PLCB1: variants seen among roughly 807,000 people sequenced by gnomAD.
PLCB1 encodes phospholipase C beta 1, also known as 1-phosphatidylinositol 4,5-bisphosphate phosphodiesterase beta-1.
In PLCB1, 46 loss-of-function variants were observed where a neutral mutation model predicts 161.8. That is an observed-to-expected ratio of 0.28 (90% confidence interval 0.22 to 0.36). The LOEUF (loss-of-function observed/expected upper bound fraction) is 0.36, where lower values mean the gene tolerates loss of function less well. Ranked by LOEUF, PLCB1 falls within the 10% of genes least tolerant of loss-of-function variation. PLCB1 has a pLI of 1.00. For synonymous variants in PLCB1, 517 were observed against 503.7 expected (o/e 1.03, Z -0.35); for missense variants, 1,016 against 1,472.5 (o/e 0.69, Z 5.07).
At chr20:8,506,429 AT>A (rs1983639712) in intron 3 of PLCB1, among the ~76,000 whole-genome samples, 1 of 152,220 alleles carries the variant, frequency 6.6e-6, no homozygotes. Flanking sequence ...TATACTGAAC[AT>A]GGAAATTCCA....
chr20:8,561,333 C>T (rs2123023415), intron 3 of PLCB1, among the ~76,000 whole-genome samples: 1 of 151,964 alleles, frequency 6.6e-6, no homozygotes, highest in South Asian at 2.1e-4. Flanking sequence ...AACCGTATAA[C>T]TAAGTTTTGC....
At chr20:8,257,952 T>C (rs563005012) in intron 2 of PLCB1, among the ~76,000 whole-genome samples, 39 of 152,300 alleles carry the variant, frequency 2.6e-4, no homozygotes, top group African/African-American at 9.4e-4. Flanking sequence ...TCATTCAGAA[T>C]GTCCATGAGA....
intron 2 of PLCB1, among the ~76,000 whole-genome samples, chr20:8,324,460 C>T (rs1985062826): frequency 6.6e-6 from 1 of 152,120 alleles, no homozygotes; most frequent in Non-Finnish European, 1.5e-5. Context: ...TAGTTGATTT[C>T]TTACTATAAA....
At chr20:8,684,803 T>G in intron 9 of PLCB1, 129 bp from the exon 10 acceptor site, 1 of 607,794 alleles carries the variant, frequency 1.6e-6, no homozygotes, top group East Asian at 2.7e-5. Flanking sequence ...CCTACACTCT[T>G]ATTTATCCAT....
chr20:8,879,440 C>G (rs1333988460), intron 31 of PLCB1, among the ~76,000 whole-genome samples: 1 of 152,086 alleles, frequency 6.6e-6, no homozygotes, highest in Admixed American at 6.6e-5. Flanking sequence ...ACACTCCAGG[C>G]AGACCTGAGT....
intron 3 of PLCB1, among the ~76,000 whole-genome samples, chr20:8,586,487 G>A (rs1986996747): frequency 6.7e-6 from 1 of 150,148 alleles, no homozygotes. Context: ...TTATCAACAT[G>A]GTAAGTAGGG....
At chr20:8,828,230 C>T (rs965708663) in intron 31 of PLCB1, among the ~76,000 whole-genome samples, 2 of 152,210 alleles carry the variant, frequency 1.3e-5, no homozygotes, top group Admixed American at 6.5e-5. Flanking sequence ...CTCCATCAAA[C>T]CCTCAGCTTT....
At chr20:8,697,259 G>A (rs1202926044) in intron 10 of PLCB1, among the ~76,000 whole-genome samples, 1 of 152,134 alleles carries the variant, frequency 6.6e-6, no homozygotes, top group Non-Finnish European at 1.5e-5. Flanking sequence ...ACCGAACTCT[G>A]TGCCATTTTA....
intron 2 of PLCB1, among the ~76,000 whole-genome samples, chr20:8,262,420 C>T (rs1037255631): frequency 6.6e-6 from 1 of 151,878 alleles, no homozygotes; most frequent in African/African-American, 2.4e-5. Context: ...AAGGAAATAC[C>T]CAAATATTAG....
intron 26 of PLCB1, among the ~76,000 whole-genome samples, chr20:8,766,331 A>G (rs1982313588): frequency 6.6e-6 from 1 of 152,178 alleles, no homozygotes; most frequent in Non-Finnish European, 1.5e-5. Context: ...ATGACTGGAG[A>G]TAGGAGATCC....
At chr20:8,136,354 CG>C (rs2051346994) in intron 1 of PLCB1, among the ~76,000 whole-genome samples, 1 of 152,050 alleles carries the variant, frequency 6.6e-6, no homozygotes. Context: ...CGGCCGGGCG[CG>C]GTGGCTCAAG....
intron 3 of PLCB1, among the ~76,000 whole-genome samples, chr20:8,409,882 A>G (rs1208421355): frequency 6.6e-6 from 1 of 152,210 alleles, no homozygotes; most frequent in African/African-American, 2.4e-5. Context: ...AGTCACAGGA[A>G]AGAAGATGCT....
intron 2 of PLCB1, among the ~76,000 whole-genome samples, chr20:8,222,164 T>C (rs1979448095): frequency 6.6e-6 from 1 of 152,148 alleles, no homozygotes; most frequent in Admixed American, 6.6e-5. Flanking sequence ...AAATCATCTT[T>C]AAAAACACCT....
At chr20:8,786,347 T>G (rs1450417483) in intron 27 of PLCB1, among the ~76,000 whole-genome samples, 1 of 152,190 alleles carries the variant, frequency 6.6e-6, no homozygotes, top group African/African-American at 2.4e-5. Context: ...ATTTCTTTAA[T>G]TGTGATAATC....
At chr20:8,371,213 T>C in intron 2 of PLCB1, 169 bp from the exon 3 acceptor site, 1 of 544,218 alleles carries the variant, frequency 1.8e-6, no homozygotes, top group South Asian at 2.6e-5. Context: ...CTGTCTTTTG[T>C]TTCCAACCTA....
chr20:8,332,867 A>G (rs1421795897), intron 2 of PLCB1, among the ~76,000 whole-genome samples: 1 of 152,246 alleles, frequency 6.6e-6, no homozygotes, highest in Non-Finnish European at 1.5e-5. Context: ...ATACATGATT[A>G]GAATCATACT....
At chr20:8,584,101 C>G (rs547146800) in intron 3 of PLCB1, among the ~76,000 whole-genome samples, 1 of 152,226 alleles carries the variant, frequency 6.6e-6, no homozygotes, top group South Asian at 2.1e-4. Context: ...AAGAACACTT[C>G]TAGAATTAGT....
chr20:8,747,687 G>A (rs935796596), intron 23 of PLCB1, among the ~76,000 whole-genome samples: 8 of 152,222 alleles, frequency 5.3e-5, no homozygotes, highest in African/African-American at 1.7e-4. Flanking sequence ...CAGGAGAATC[G>A]CCTGAGTCTA....
At chr20:8,429,928 C>T (rs1239044584) in intron 3 of PLCB1, among the ~76,000 whole-genome samples, 1 of 152,014 alleles carries the variant, frequency 6.6e-6, no homozygotes, top group Non-Finnish European at 1.5e-5. Context: ...TTGTCTGTTT[C>T]AGAGCCAGAA....
Sources: gnomAD v4.1 joint callset for allele counts (sites outside exome capture counted in the v4.1 genomes callset) on GRCh38, gnomAD v4.1.1 for gene constraint, MANE v1.5 for transcripts, NCBI Gene and HGNC (gene_info 2026-07-23, HGNC 2026-07-21) for gene names.